The following GRIK1 variants were observed in gnomAD, a reference collection of about 807,000 sequenced individuals.
GRIK1 encodes the protein glutamate receptor ionotropic, kainate 1.
Under a neutral mutation model 105.7 loss-of-function variants are expected in GRIK1, and 69 were observed. The observed-to-expected ratio is 0.65, with a 90% CI of 0.54 to 0.80. GRIK1 has a LOEUF of 0.80. GRIK1 is among the 30% of genes least tolerant of loss of function. GRIK1 has a pLI of 0.00. For missense variants in GRIK1, 1,109 were observed against 1,167.3 expected (o/e 0.95, Z 0.73); for synonymous variants, 438 against 431.3 (o/e 1.02, Z -0.19).
At chr21:29,552,411 G>A (rs2090150495) in intron 16 of GRIK1, among the ~76,000 whole-genome samples, 1 of 151,988 alleles carries the variant, frequency 6.6e-6, no homozygotes, top group Non-Finnish European at 1.5e-5. Flanking sequence ...AGTTAGCATG[G>A]AAATTATTTA....
intron 4 of GRIK1, 55 bp from the exon 5 acceptor site, chr21:29,654,918 G>T (rs1259155335): frequency 4.8e-6 from 5 of 1,045,498 alleles, no homozygotes; most frequent in South Asian, 1.3e-5. Flanking sequence ...ATAAGAATGG[G>T]ATAATTTCTA....
chr21:29,881,269 G>T (rs939777126), intron 1 of GRIK1, among the ~76,000 whole-genome samples: 2 of 152,020 alleles, frequency 1.3e-5, no homozygotes, highest in African/African-American at 4.8e-5. Flanking sequence ...GTGCTAGATA[G>T]CTTCCTATTG....
chr21:29,830,983 A>G (rs1601805321), intron 1 of GRIK1, among the ~76,000 whole-genome samples: 1 of 152,178 alleles, frequency 6.6e-6, no homozygotes, highest in East Asian at 1.9e-4. Context: ...TTAAAACACA[A>G]GCAGAAAAGC....
chr21:29,553,157 G>A, intron 16 of GRIK1: 2 of 924,444 alleles, frequency 2.2e-6, no homozygotes, highest in Non-Finnish European at 2.6e-6. Flanking sequence ...GAAGAAAAGA[G>A]GAGGGAACAA....
At chr21:29,649,362 G>A (rs2062681529) in intron 6 of GRIK1, among the ~76,000 whole-genome samples, 1 of 152,078 alleles carries the variant, frequency 6.6e-6, no homozygotes, top group Admixed American at 6.6e-5. Context: ...ACCCTCTTCT[G>A]CTCTGGTAAA....
chr21:29,675,303 G>C (rs1225432095), intron 3 of GRIK1, among the ~76,000 whole-genome samples: 1 of 152,120 alleles, frequency 6.6e-6, no homozygotes, highest in Non-Finnish European at 1.5e-5. Flanking sequence ...GGAAAAAATA[G>C]AGACTCCAGG....
At chr21:29,829,723 T>C (rs751761778) in intron 1 of GRIK1, among the ~76,000 whole-genome samples, 2 of 152,164 alleles carry the variant, frequency 1.3e-5, no homozygotes, top group Non-Finnish European at 2.9e-5. Context: ...CTACATGCTG[T>C]CAGATATGAA....
At chr21:29,591,254 G>T (rs763765764) in intron 9 of GRIK1, 29 bp from the exon 10 acceptor site, 1 of 1,290,090 alleles carries the variant, frequency 7.8e-7, no homozygotes, top group Admixed American at 1.7e-5. Flanking sequence ...ATCAGAGGCT[G>T]CTGGCTGTCA....
intron 1 of GRIK1, among the ~76,000 whole-genome samples, chr21:29,867,978 G>A (rs2068881965): frequency 7.3e-6 from 1 of 136,262 alleles, no homozygotes; most frequent in African/African-American, 2.7e-5. Flanking sequence ...GAAAAAGAGA[G>A]AAAAAGAGGA....
chr21:29,885,074 T>C (rs2069561898), intron 1 of GRIK1, among the ~76,000 whole-genome samples: 1 of 152,058 alleles, frequency 6.6e-6, no homozygotes, highest in Non-Finnish European at 1.5e-5. Context: ...AAAAACTACT[T>C]TTTAATGGAC....
chr21:29,894,065 T>C (rs1569196995), intron 1 of GRIK1, among the ~76,000 whole-genome samples: 1 of 152,060 alleles, frequency 6.6e-6, no homozygotes, highest in African/African-American at 2.4e-5. Flanking sequence ...ACATGAGGAA[T>C]AGTGAGAGGT....
chr21:29,545,954 A>T (rs2090044023), intron 16 of GRIK1, among the ~76,000 whole-genome samples: 1 of 152,230 alleles, frequency 6.6e-6, no homozygotes, highest in South Asian at 2.1e-4. Flanking sequence ...AGTTAATGCA[A>T]GCCTCTCTCC....
chr21:29,674,676 C>T (rs2063232457), intron 3 of GRIK1, among the ~76,000 whole-genome samples: 1 of 152,032 alleles, frequency 6.6e-6, no homozygotes, highest in African/African-American at 2.4e-5. Context: ...CTCTCTTCTG[C>T]CAACATGTAT....
chr21:29,732,757 C>T (rs1466449732), intron 1 of GRIK1, among the ~76,000 whole-genome samples: 2 of 152,044 alleles, frequency 1.3e-5, no homozygotes, highest in East Asian at 1.9e-4. Context: ...GTTTATTTGC[C>T]TCACTCGATT....
intron 1 of GRIK1, among the ~76,000 whole-genome samples, chr21:29,702,300 GT>G (rs200272180): frequency 2.5e-3 from 380 of 151,940 alleles, no homozygotes; most frequent in African/African-American, 8.7e-3. Context: ...TAAAATGGAA[GT>G]TTTTTTTAAA....
chr21:29,896,395 C>A (rs1407213597), intron 1 of GRIK1, among the ~76,000 whole-genome samples: 1 of 152,188 alleles, frequency 6.6e-6, no homozygotes, highest in Admixed American at 6.5e-5. Context: ...TAATATGCTA[C>A]ATATTTTACT....
chr21:29,612,649 G>C lies in GRIK1; in HGVS notation c.1099-13712C>G, dbSNP rs146681300. On this transcript the variant is annotated intron_variant, in intron 7 of 17. Coordinates refer to ENST00000327783, the MANE Select transcript of GRIK1 (RefSeq NM_001330994.2). ...TAAAACACATCACACGGCAATCCAT[G>C]ATAGAATTACTTTGTGATTTGAAAA... 2.7e-3 allele frequency among the ~76,000 whole-genome samples: 410 copies of C among 152,266 alleles called. 3 individuals are homozygous for C. Among genetic ancestry groups the C allele is most frequent in the African/African-American group, 9.3e-3 (386 of 41,548 alleles).
chr21:29,696,942 T>C (rs887464013), intron 1 of GRIK1, among the ~76,000 whole-genome samples: 3 of 152,196 alleles, frequency 2.0e-5, no homozygotes, highest in African/African-American at 7.2e-5. Context: ...TATTATGAAA[T>C]AGCTCTTTTA....
At chr21:29,885,151 T>C (rs1277539360) in intron 1 of GRIK1, among the ~76,000 whole-genome samples, 2 of 152,082 alleles carry the variant, frequency 1.3e-5, no homozygotes, top group Non-Finnish European at 2.9e-5. Context: ...CATACATATA[T>C]TGTATAATGA....
Sources: allele counts gnomAD v4.1 joint callset (sites outside exome capture counted in the v4.1 genomes callset), GRCh38; gene constraint gnomAD v4.1.1; transcripts MANE v1.5; gene names NCBI Gene and HGNC (gene_info 2026-07-23, HGNC 2026-07-21).